The following GLUD2 variants were observed in gnomAD, a reference collection of about 807,000 sequenced individuals.
GLUD2 encodes the protein glutamate dehydrogenase 2, mitochondrial.
Under a neutral mutation model 16.2 loss-of-function variants are expected in GLUD2, and 11 were observed. The ratio of observed to expected loss-of-function variants is 0.68; its 90% CI spans 0.43 to 1.13. The LOEUF is 1.13. GLUD2 is among the 50% of genes most tolerant of loss of function. The probability of loss-of-function intolerance (pLI) is 0.00; values close to 1 mark genes in which losing one functional copy is unlikely to be tolerated. For missense variants in GLUD2, 360 were observed against 456.4 expected (o/e 0.79, Z 1.93); for synonymous variants, 147 against 181.9 (o/e 0.81, Z 1.55).
In GLUD2 at chrX:121,048,096, C is replaced by T. The variant is rs140532390; in HGVS notation, c.412C>T (p.Gln138Ter). The T allele has an allele frequency of 2.9e-4, 348 of 1,210,112 alleles. No individual in the cohort carries two copies. Among genetic ancestry groups the T allele is most frequent in the Non-Finnish European group, 3.5e-4 (309 of 895,292 alleles). ...GGAGGTCATCGAAGGCTACCGGGCCCAGCACAGCCAGCACCGCACGCCCTG... is the reference window on the plus strand; with the variant it reads ...GGAGGTCATCGAAGGCTACCGGGCCTAGCACAGCCAGCACCGCACGCCCTG... ...SWEVIEGYRA[Q>*]HSQHRTPCKG... is the part of the protein sequence containing the mutation. Residue 138 changes from glutamine to a stop codon, truncating the protein, a stop_gained, in exon 1 of 1, where the codon CAG (glutamine) becomes TAG (stop). Transcript: ENST00000328078. LOFTEE classifies it high-confidence loss of function.
rs1231613052 is a variant in GLUD2 at position 121,049,031 on chromosome X, C to A, written c.1347C>A (p.Val449=). 1.7e-6 allele frequency: 2 copies of A among 1,210,097 alleles called. No homozygotes were observed. Among genetic ancestry groups the A allele is most frequent in the East Asian group, 5.9e-5 (2 of 33,789 alleles). The change falls in exon 1 of 1, where the codon GTC becomes GTA. Residue 449 remains valine (V), a synonymous_variant. Coordinates refer to ENST00000328078, the MANE Select transcript of GLUD2 (RefSeq NM_012084.4). ...YFEWLKNLNH[V]SYGRLTFKYE... ...AGTGGCTGAAGAATCTAAATCATGT[C>A]AGCTATGGCCGTTTGACCTTCAAAT...
chrX:121,048,091 G>C lies in GLUD2; in HGVS notation c.407G>C (p.Arg136Pro), dbSNP rs1459976677. 1 of 1,210,007 alleles carries C rather than the reference G, an allele frequency of 8.3e-7. No homozygotes were observed. The highest frequency in any genetic ancestry group is 1.1e-6 in the Non-Finnish European group (1 of 895,254). The change falls in exon 1 of 1, where the codon CGG becomes CCG. Residue 136 changes from arginine to proline, a missense_variant. Arg to Pro is a moderately radical substitution (Grantham distance 103, BLOSUM62 -2). Transcript: ENST00000328078. ...TCCTGGGAGGTCATCGAAGGCTACC[G>C]GGCCCAGCACAGCCAGCACCGCACG... ...DGSWEVIEGY[R>P]AQHSQHRTPC...
In GLUD2 at chrX:121,048,868, G is replaced by A. The variant is rs137887817; in HGVS notation, c.1184G>A (p.Arg395Lys). 5.8e-5 allele frequency: 70 copies of A among 1,209,976 alleles called. No individual in the cohort carries two copies. In the African/African-American group the frequency reaches 9.8e-4, roughly 17 times the overall value. ...CAGTTGACCAAATCCAACGCACCCA[G>A]AGTCAAAGCCAAGATCATTGCTGAA... ...EKQLTKSNAP[R>K]VKAKIIAEGA... Residue 395 changes from arginine (R) to lysine (K), a missense_variant, in exon 1 of 1, where the codon AGA becomes AAA. Physicochemically the swap from Arg to Lys is conservative, Grantham distance 26. Coordinates refer to ENST00000328078, the MANE Select transcript of GLUD2 (RefSeq NM_012084.4).
In GLUD2 at chrX:121,048,396, G is replaced by A. The variant is rs371442423; in HGVS notation, c.712G>A (p.Asp238Asn). ...TGEREMSWIA[D>N]TYASTIGHYD... is the part of the protein sequence containing the mutation. ...TGAGCGGGAGATGTCCTGGATTGCT[G>A]ATACCTATGCCAGCACCATAGGGCA... The change falls in exon 1 of 1, where the codon GAT (aspartate) becomes AAT (asparagine). Residue 238 changes from aspartate to asparagine, a missense_variant. Asp to Asn is a conservative substitution (Grantham distance 23). Around this residue, in one of 3 missense-constraint regions of GLUD2, gnomAD observed 279 missense variants for 352.9 expected, o/e 0.79. Transcript: ENST00000328078. 15 of 1,209,693 alleles carry A rather than the reference G, an allele frequency of 1.2e-5. No homozygotes were observed. The African/African-American group carries it at 1.9e-4, about 16-fold the overall frequency.
Position 121,048,008 on chromosome X carries a change from C to G in GLUD2, c.324C>G (p.Ile108Met). The G allele has an allele frequency of 8.3e-7, 1 of 1,211,950 alleles. No individual in the cohort carries two copies. The highest frequency in any genetic ancestry group is 1.1e-6 in the Non-Finnish European group (1 of 895,527). Reference sequence around the variant, plus strand: ...ACCGGGTGCGCGGCATCCTGCGGATCATCAAGCCCTGCAACCATGTGCTGA... The same window carrying G: ...ACCGGGTGCGCGGCATCCTGCGGATGATCAAGCCCTGCAACCATGTGCTGA... ...KRNRVRGILRIIKPCNHVLSL... is the reference protein window; with the variant it reads ...KRNRVRGILRMIKPCNHVLSL... The change falls in exon 1 of 1, where the codon ATC becomes ATG. Residue 108 changes from isoleucine to methionine, a missense_variant. By Grantham distance (10) the Ile-to-Met change is conservative. Coordinates refer to ENST00000328078, the MANE Select transcript of GLUD2 (RefSeq NM_012084.4).
Position 121,048,941 on chromosome X carries a change from G to A in GLUD2, c.1257G>A (p.Glu419=), listed in dbSNP as rs755188196. The change falls in exon 1 of 1, where the codon GAG becomes GAA. Residue 419 remains glutamate (E), a synonymous_variant. Transcript: ENST00000328078. ...TTPEADKIFL[E]RNILVIPDLY... is the part of the protein sequence containing the mutation. ...CAGAAGCTGATAAGATCTTCCTGGA[G>A]AGAAACATTTTGGTTATTCCAGATC... The A allele has an allele frequency of 8.3e-7, 1 of 1,211,949 alleles. No homozygotes were observed. The highest frequency in any genetic ancestry group is 1.8e-5 in the South Asian group (1 of 56,968).
chrX:121,049,269 AAC>A lies in GLUD2; in HGVS notation c.1586_1587del (p.Asn529ThrfsTer15). 1 of 1,211,593 alleles carries A rather than the reference AAC, an allele frequency of 8.3e-7. No individual in the cohort carries two copies. The highest frequency in any genetic ancestry group is 1.1e-6 in the Non-Finnish European group (1 of 895,287). On this transcript the variant is annotated frameshift_variant, in exon 1 of 1. Transcript: ENST00000328078. LOFTEE classifies it high-confidence loss of function. Reference protein sequence around the residue: ...RQIMHTAMKYNLGLDLRTAAY... With the variant: ...RQIMHTAMKYXLGLDLRTAAY... ...AATTATGCACACAGCCATGAAGTAT[AAC>A]CTGGGATTGGACCTGAGAACAGCTG...
rs1925392161 is a variant in GLUD2, at chrX:121,047,979, C to T, written c.295C>T (p.Arg99Trp). 4 of 1,211,654 alleles carry T rather than the reference C, an allele frequency of 3.3e-6. No individual in the cohort carries two copies. Among genetic ancestry groups the T allele is most frequent in the South Asian group, 1.8e-5 (1 of 56,982 alleles). ...GACCCAGGAAAGCGAGGAGCAGAAG[C>T]GGAACCGGGTGCGCGGCATCCTGCG... Reference protein sequence around the residue: ...LRTQESEEQKRNRVRGILRII... With the variant: ...LRTQESEEQKWNRVRGILRII... Residue 99 changes from arginine (R) to tryptophan (W), a missense_variant, in exon 1 of 1, where the codon CGG becomes TGG. Physicochemically the swap from Arg to Trp is moderately radical, Grantham distance 101. Around this residue, in one of 3 missense-constraint regions of GLUD2, gnomAD observed 23 missense variants for 53.7 expected, o/e 0.43. Coordinates refer to ENST00000328078, the MANE Select transcript of GLUD2 (RefSeq NM_012084.4).
Position 121,047,623 on chromosome X carries a change from G to A in GLUD2, c.-62G>A. ...CGCCGGACCCTTCCTTCCTAGTCGC[G>A]GGGAGTCTGAGAAAGCGCACCTGTT... On this transcript the variant is annotated 5_prime_UTR_variant, in exon 1 of 1. Coordinates refer to ENST00000328078, the MANE Select transcript of GLUD2 (RefSeq NM_012084.4). 1 of 765,778 alleles carries A rather than the reference G, an allele frequency of 1.3e-6. No individual in the cohort carries two copies. Among genetic ancestry groups the A allele is most frequent in the Non-Finnish European group, 1.7e-6 (1 of 578,498 alleles). The allele number at this position is 765,778 out of a possible 1,213,427, so 63.1% of individuals were successfully genotyped here.
Position 121,048,060 on chromosome X carries a change from G to T in GLUD2, c.376G>T (p.Asp126Tyr), listed in dbSNP as rs765416004. Residue 126 changes from aspartate (D) to tyrosine (Y), a missense_variant, in exon 1 of 1, where the codon GAC becomes TAC. By Grantham distance (160) the Asp-to-Tyr change is radical. This residue lies in a region of GLUD2 where 279 missense variants were observed against 352.9 expected (regional missense o/e 0.79). Coordinates refer to ENST00000328078, the MANE Select transcript of GLUD2 (RefSeq NM_012084.4). ...LSLSFPIRRD[D>Y]GSWEVIEGYR... ...TCTCTCCTTCCCCATCCGGCGCGAC[G>T]ACGGCTCCTGGGAGGTCATCGAAGG... 4 of 1,211,691 alleles carry T rather than the reference G, an allele frequency of 3.3e-6. No individual in the cohort carries two copies. In the East Asian group the frequency reaches 1.2e-4, roughly 36 times the overall value.
chrX:121,049,201 T>C lies in GLUD2; in HGVS notation c.1517T>C (p.Val506Ala). The C allele has an allele frequency of 8.3e-7, 1 of 1,211,959 alleles. No individual in the cohort carries two copies. The highest frequency in any genetic ancestry group is 2.2e-5 in the Admixed American group (1 of 46,086). Residue 506 changes from valine to alanine, a missense_variant, in exon 1 of 1, where the codon GTG becomes GCG. Transcript: ENST00000328078. Reference protein sequence around the residue: ...SISGASEKDIVHSALAYTMER... With the variant: ...SISGASEKDIAHSALAYTMER... ...TCGGGTGCATCTGAGAAAGACATTGTGCACTCTGCCTTGGCATACACAATG... is the reference window on the plus strand; with the variant it reads ...TCGGGTGCATCTGAGAAAGACATTGCGCACTCTGCCTTGGCATACACAATG...
In GLUD2 at chrX:121,049,313, T is replaced by G; in HGVS notation, c.1629T>G (p.Ile543Met). Reference sequence around the variant, plus strand: ...GAACAGCTGCCTATGTCAATGCCATTGAAAAAGTCTTCAAAGTGTACAGTG... The same window carrying G: ...GAACAGCTGCCTATGTCAATGCCATGGAAAAAGTCTTCAAAGTGTACAGTG... ...DLRTAAYVNAIEKVFKVYSEA... is the reference protein window; with the variant it reads ...DLRTAAYVNAMEKVFKVYSEA... Residue 543 changes from isoleucine (I) to methionine (M), a missense_variant, in exon 1 of 1, where the codon ATT (isoleucine) becomes ATG (methionine). By Grantham distance (10) the Ile-to-Met change is conservative. Transcript: ENST00000328078. 1 of 1,210,599 alleles carries G rather than the reference T, an allele frequency of 8.3e-7. No homozygotes were observed. Among genetic ancestry groups the G allele is most frequent in the Non-Finnish European group, 1.1e-6 (1 of 895,090 alleles).
Position 121,048,537 on chromosome X carries a change from A to C in GLUD2, c.853A>C (p.Asn285His), listed in dbSNP as rs1925414379. The part of the protein sequence containing the change: ...GVFHGIENFI[N>H]EASYMSILGM... Reference sequence around the variant, plus strand: ...CTTCCATGGGATTGAAAACTTCATCAATGAAGCTTCTTACATGAGCATTTT... The same window carrying C: ...CTTCCATGGGATTGAAAACTTCATCCATGAAGCTTCTTACATGAGCATTTT... The change falls in exon 1 of 1, where the codon AAT (asparagine) becomes CAT (histidine). Residue 285 changes from asparagine (N) to histidine (H), a missense_variant. By Grantham distance (68) the Asn-to-His change is moderately conservative. This residue lies in a region of GLUD2 where 279 missense variants were observed against 352.9 expected (regional missense o/e 0.79). Transcript: ENST00000328078. 1 of 1,210,279 alleles carries C rather than the reference A, an allele frequency of 8.3e-7. No individual in the cohort carries two copies. Among genetic ancestry groups the C allele is most frequent in the Admixed American group, 2.2e-5 (1 of 45,882 alleles).
rs779592316 is a variant in GLUD2, at chrX:121,050,012, T to G, written c.*651T>G. The G allele has an allele frequency of 4.0e-5, 5 of 123,824 alleles. No individual in the cohort carries two copies. The highest frequency in any genetic ancestry group is 9.3e-5 in the Non-Finnish European group (5 of 53,673). 10.2% of individuals were successfully genotyped at this position (123,824 alleles called of 1,213,427 possible). Reference sequence around the variant, plus strand: ...GAAAAAAAACAGTATTTTTATATCATAAAAGTTTCATTTGTAGCTTATCAT... The same window carrying G: ...GAAAAAAAACAGTATTTTTATATCAGAAAAGTTTCATTTGTAGCTTATCAT... On this transcript the variant is annotated 3_prime_UTR_variant, in exon 1 of 1. Transcript: ENST00000328078.
At position 121,049,614 on chromosome X, in the gene GLUD2, A is replaced by G; in HGVS notation, c.*253A>G. 1 of 410,595 alleles carries G rather than the reference A, an allele frequency of 2.4e-6. No individual in the cohort carries two copies. Among genetic ancestry groups the G allele is most frequent in the South Asian group, 3.4e-5 (1 of 29,242 alleles). The allele number at this position is 410,595 out of a possible 1,213,427, so 33.8% of individuals were successfully genotyped here. ...CCTTTAAATAAAAAGCCTCCTCCAT[A>G]TGGCTGTGCAGCCTTGCTCTGTGGC... On this transcript the variant is annotated 3_prime_UTR_variant, in exon 1 of 1. Coordinates refer to ENST00000328078, the MANE Select transcript of GLUD2 (RefSeq NM_012084.4).
chrX:121,049,124 G>A lies in GLUD2; in HGVS notation c.1440G>A (p.Lys480=). ...VQESLERKFG[K]HGGTIPIVPT... The stretch of plus-strand genomic sequence containing the variant: ...AGAGTTTAGAAAGAAAATTTGGAAA[G>A]CATGGTGGAACTATTCCCATTGTAC... Residue 480 remains lysine (K), a synonymous_variant, in exon 1 of 1, where the codon AAG becomes AAA. Transcript: ENST00000328078. The A allele has an allele frequency of 8.3e-7, 1 of 1,211,903 alleles. No individual in the cohort carries two copies. The highest frequency in any genetic ancestry group is 1.7e-5 in the African/African-American group (1 of 57,873).
rs772586560 is a variant in GLUD2, at chrX:121,048,116, G to A, written c.432G>A (p.Thr144=). 8.3e-7 allele frequency: 1 copy of A among 1,211,994 alleles called. No individual in the cohort carries two copies. Among genetic ancestry groups the A allele is most frequent in the Non-Finnish European group, 1.1e-6 (1 of 895,611 alleles). The change falls in exon 1 of 1, where the codon ACG becomes ACA. Residue 144 remains threonine, a synonymous_variant. Transcript: ENST00000328078. ...GYRAQHSQHR[T]PCKGGIRYST... ...GGGCCCAGCACAGCCAGCACCGCACGCCCTGCAAGGGAGGTATCCGTTACA... is the reference window on the plus strand; with the variant it reads ...GGGCCCAGCACAGCCAGCACCGCACACCCTGCAAGGGAGGTATCCGTTACA...
Position 121,048,042 on chromosome X carries a change from T to G in GLUD2, c.358T>G (p.Phe120Val). The stretch of plus-strand genomic sequence containing the variant: ...CTGCAACCATGTGCTGAGTCTCTCC[T>G]TCCCCATCCGGCGCGACGACGGCTC... ...KPCNHVLSLSFPIRRDDGSWE... is the reference protein window; with the variant it reads ...KPCNHVLSLSVPIRRDDGSWE... Residue 120 changes from phenylalanine (F) to valine (V), a missense_variant, in exon 1 of 1, where the codon TTC becomes GTC. Physicochemically the swap from Phe to Val is conservative, Grantham distance 50. Coordinates refer to ENST00000328078, the MANE Select transcript of GLUD2 (RefSeq NM_012084.4). 2.5e-6 allele frequency: 3 copies of G among 1,211,620 alleles called. No individual in the cohort carries two copies. Among genetic ancestry groups the G allele is most frequent in the Non-Finnish European group, 3.4e-6 (3 of 895,420 alleles).
In GLUD2 at chrX:121,047,761, C is replaced by G; in HGVS notation, c.77C>G (p.Ser26Trp). 2.6e-6 allele frequency: 3 copies of G among 1,142,664 alleles called. No homozygotes were observed. Among genetic ancestry groups the G allele is most frequent in the Non-Finnish European group, 3.5e-6 (3 of 866,720 alleles). The allele number at this position is 1,142,664 out of a possible 1,213,427, so 94.2% of individuals were successfully genotyped here. A position where few individuals can be genotyped will look rare whatever the true frequency, so the allele number is the denominator to read the frequency against. The part of the protein sequence containing the change: ...PAALGSAANH[S>W]AALLGRGRGQ... ...GCCCTGGGCTCCGCGGCCAACCACT[C>G]GGCCGCGTTGCTGGGCCGGGGCCGC... Residue 26 changes from serine to tryptophan, a missense_variant, in exon 1 of 1, where the codon TCG becomes TGG. By Grantham distance (177) the Ser-to-Trp change is radical. Coordinates refer to ENST00000328078, the MANE Select transcript of GLUD2 (RefSeq NM_012084.4).
Sources: gnomAD v4.1 joint callset for allele counts on GRCh38, gnomAD v4.1.1 for gene constraint, gnomAD v4.1.1 regional missense constraint, MANE v1.5 for transcripts, NCBI Gene and HGNC (gene_info 2026-07-23, HGNC 2026-07-21) for gene names.